The following STAB2 variants were observed in gnomAD, a reference collection of about 807,000 sequenced individuals.
The protein encoded by STAB2 is stabilin 2, also known as stabilin-2.
A neutral mutation model predicts 338.1 loss-of-function variants in STAB2; 288 were observed. The ratio of observed to expected loss-of-function variants is 0.85; its 90% CI spans 0.77 to 0.94. The LOEUF is 0.94. Ranked by LOEUF, STAB2 falls within the 40% of genes least tolerant of loss-of-function variation. The probability of loss-of-function intolerance (pLI) is 0.00; values close to 1 mark genes in which losing one functional copy is unlikely to be tolerated. For missense variants in STAB2, 3,141 were observed against 3,210.1 expected, an observed-to-expected ratio of 0.98 and a Z score of 0.52; for synonymous variants, 1,202 against 1,193.3, an observed-to-expected ratio of 1.01 and a Z score of -0.15.
chr12:103,737,572 GTT>G, intron 52 of STAB2, 60 bp from the exon 53 acceptor site: 3 of 1,233,150 alleles, frequency 2.4e-6, no homozygotes, highest in Admixed American at 2.9e-5. Flanking sequence ...GAGATTGACT[GTT>G]TCTCTCTCTC....
intron 9 of STAB2, among the ~76,000 whole-genome samples, chr12:103,647,916 T>G (rs1436758985): frequency 6.6e-6 from 1 of 152,286 alleles, no homozygotes; most frequent in Non-Finnish European, 1.5e-5. Context: ...CATTGTTTGC[T>G]ATTTATTTAA....
At chr12:103,648,289 T>C (rs1434428280) in intron 9 of STAB2, among the ~76,000 whole-genome samples, 2 of 152,214 alleles carry the variant, frequency 1.3e-5, no homozygotes, top group South Asian at 2.1e-4. Context: ...AGATCAATAA[T>C]GCTGAATCTT....
chr12:103,659,643 C>A (rs983613536), intron 15 of STAB2, among the ~76,000 whole-genome samples: 3 of 152,338 alleles, frequency 2.0e-5, no homozygotes, highest in Non-Finnish European at 4.4e-5. Context: ...TGTTCCTCAA[C>A]TCTGCAGCCT....
chr12:103,765,086 CAAAA>C (rs56002429), intron 68 of STAB2, among the ~76,000 whole-genome samples: 4,765 of 66,108 alleles, frequency 0.072, 74 homozygotes, highest in African/African-American at 0.096. Context: ...GACTCTGTCT[CAAAA>C]AAAAAAAAAA....
intron 33 of STAB2, among the ~76,000 whole-genome samples, chr12:103,697,395 C>T (rs1878499821): frequency 6.6e-6 from 1 of 152,232 alleles, no homozygotes; most frequent in Non-Finnish European, 1.5e-5. Context: ...TTTCTTTAAC[C>T]TCTTCAGTGA....
At chr12:103,601,650 G>A (rs1352082422) in intron 3 of STAB2, among the ~76,000 whole-genome samples, 1 of 152,186 alleles carries the variant, frequency 6.6e-6, no homozygotes, top group Non-Finnish European at 1.5e-5. Flanking sequence ...AATGTGCTCA[G>A]CAATGCTTTG....
intron 3 of STAB2, among the ~76,000 whole-genome samples, chr12:103,606,757 G>C (rs1374608040): frequency 1.3e-5 from 2 of 152,164 alleles, no homozygotes; most frequent in Admixed American, 1.3e-4. Context: ...GGATGAGACA[G>C]GTGGATCACG....
At chr12:103,619,686 T>C (rs1358820224) in intron 3 of STAB2, among the ~76,000 whole-genome samples, 1 of 152,114 alleles carries the variant, frequency 6.6e-6, no homozygotes, top group African/African-American at 2.4e-5. Context: ...TAAATTCCTT[T>C]GCTTACCATA....
Position 103,683,294 on chromosome 12 carries a change from T to C in STAB2, c.2895T>C (p.His965=), listed in dbSNP as rs764879328. The stretch of plus-strand genomic sequence containing the variant: ...GCTTGGAACAAACCGGGAAATGTCA[T>C]CCATTGGTGAGTTATTTAACCTTGT... ...TSCLEQTGKC[H]PLASCQSTSS... Residue 965 remains histidine, a synonymous_variant, in exon 26 of 69, where the codon CAT becomes CAC. Coordinates refer to ENST00000388887, the MANE Select transcript of STAB2 (RefSeq NM_017564.10). 6.3e-7 allele frequency: 1 copy of C among 1,593,784 alleles called. No individual in the cohort carries two copies. The highest frequency in any genetic ancestry group is 1.7e-5 in the Admixed American group (1 of 58,842).
chr12:103,678,832 A>G (rs1202595617), intron 25 of STAB2, among the ~76,000 whole-genome samples: 1 of 151,678 alleles, frequency 6.6e-6, no homozygotes, highest in Non-Finnish European at 1.5e-5. Context: ...ATGCCCAGCC[A>G]ATCTTCCTTA....
intron 1 of STAB2, 49 bp downstream of exon 1, chr12:103,587,606 G>A (rs374374830): frequency 1.3e-6 from 2 of 1,482,960 alleles, no homozygotes; most frequent in East Asian, 2.3e-5. Flanking sequence ...GTCATGATAT[G>A]TTCAAAAGCT....
intron 64 of STAB2, among the ~76,000 whole-genome samples, chr12:103,758,652 G>C (rs1884310987): frequency 6.6e-6 from 1 of 152,224 alleles, no homozygotes; most frequent in African/African-American, 2.4e-5. Context: ...GGCCTGATAG[G>C]TCACATGACT....
At chr12:103,690,879 T>C (rs1877879244) in intron 30 of STAB2, among the ~76,000 whole-genome samples, 1 of 152,252 alleles carries the variant, frequency 6.6e-6, no homozygotes, top group Non-Finnish European at 1.5e-5. Flanking sequence ...TGGTTATTAG[T>C]AATTGAATCT....
chr12:103,732,888 T>C, intron 50 of STAB2, 118 bp from the exon 51 acceptor site: 1 of 1,199,774 alleles, frequency 8.3e-7, no homozygotes, highest in African/African-American at 1.5e-5. Context: ...CCTTGAACCA[T>C]CCAGAGTCCC....
chr12:103,651,105 T>C (rs564729406), intron 11 of STAB2, among the ~76,000 whole-genome samples: 1 of 152,192 alleles, frequency 6.6e-6, no homozygotes, highest in Non-Finnish European at 1.5e-5. Context: ...GAATGAAACT[T>C]GTAGTGCCTG....
At position 103,728,959 on chromosome 12, in the gene STAB2, C is replaced by G; in HGVS notation, c.5046C>G (p.Ser1682=). 1 of 1,613,946 alleles carries G rather than the reference C, an allele frequency of 6.2e-7. No individual in the cohort carries two copies. The highest frequency in any genetic ancestry group is 8.5e-7 in the Non-Finnish European group (1 of 1,179,844). Residue 1682 remains serine (S), a synonymous_variant, in exon 48 of 69, where the codon TCC becomes TCG. Coordinates refer to ENST00000388887, the MANE Select transcript of STAB2 (RefSeq NM_017564.10). The part of the protein sequence containing the change: ...ENLKLISNAT[S]LQGEPIVISV... Reference sequence around the variant, plus strand: ...TGAAATTGATCTCAAATGCTACTTCCCTCCAAGGAGAGCCAATAGTCATCT... The same window carrying G: ...TGAAATTGATCTCAAATGCTACTTCGCTCCAAGGAGAGCCAATAGTCATCT...
chr12:103,666,757 C>A (rs749618660), intron 19 of STAB2, among the ~76,000 whole-genome samples: 1 of 152,136 alleles, frequency 6.6e-6, no homozygotes, highest in African/African-American at 2.4e-5. Flanking sequence ...TAAACAAGTC[C>A]TAATATTTGT....
At chr12:103,626,766 A>G (rs1043132929) in intron 5 of STAB2, among the ~76,000 whole-genome samples, 1 of 152,190 alleles carries the variant, frequency 6.6e-6, no homozygotes, top group Admixed American at 6.5e-5. Flanking sequence ...CAGCTCTATT[A>G]GGTGCAGTTT....
At chr12:103,661,791 G>A (rs1874642875) in intron 17 of STAB2, among the ~76,000 whole-genome samples, 1 of 152,132 alleles carries the variant, frequency 6.6e-6, no homozygotes, top group Non-Finnish European at 1.5e-5. Context: ...GCAGAAAGGA[G>A]CATGCTGGGC....
Sources: gnomAD v4.1 joint callset for allele counts (sites outside exome capture counted in the v4.1 genomes callset) on GRCh38, gnomAD v4.1.1 for gene constraint, MANE v1.5 for transcripts, NCBI Gene and HGNC (gene_info 2026-07-23, HGNC 2026-07-21) for gene names.